TMCC1: variants seen among roughly 807,000 people sequenced by gnomAD.
The protein encoded by TMCC1 is transmembrane and coiled-coil domains protein 1.
In TMCC1, 15 loss-of-function variants were observed where a neutral mutation model predicts 52.4. The observed-to-expected ratio is 0.29, with a 90% confidence interval of 0.19 to 0.44. The LOEUF is 0.44. Among genes scored for constraint, TMCC1 ranks in the 20% least tolerant of loss-of-function variants. The pLI, the probability that TMCC1 is intolerant of heterozygous loss-of-function variation, is 1.00. For missense variants in TMCC1, 503 were observed against 806.0 expected (o/e 0.62, Z 4.55); for synonymous variants, 279 against 301.9 (o/e 0.92, Z 0.79).
At chr3:129,885,845 C>G (rs371655637) in intron 1 of TMCC1, among the ~76,000 whole-genome samples, 22 of 150,286 alleles carry the variant, frequency 1.5e-4, no homozygotes, top group African/African-American at 5.3e-4. Context: ...TGGGTTCAAG[C>G]AATTCTCCTG....
intron 4 of TMCC1, among the ~76,000 whole-genome samples, chr3:129,731,668 T>C (rs1306242691): frequency 3.3e-5 from 5 of 152,106 alleles, no homozygotes; most frequent in Non-Finnish European, 1.5e-5. Flanking sequence ...TGAGCCACCG[T>C]GCCTGGCCCA....
rs1411881698 is a variant in TMCC1 at position 129,651,239 on chromosome 3, C to A, written c.*242G>T. 1 of 505,282 alleles carries A rather than the reference C, an allele frequency of 2.0e-6. No homozygotes were observed. The highest frequency in any genetic ancestry group is 3.5e-6 in the Non-Finnish European group (1 of 285,298). 31.3% of individuals were successfully genotyped at this position (505,282 alleles called of 1,614,324 possible). On this transcript the variant is annotated 3_prime_UTR_variant, in exon 7 of 7. Coordinates refer to ENST00000393238, the MANE Select transcript of TMCC1 (RefSeq NM_001017395.5). This position sits in a 1 kb window ranked among gnomAD's most constrained non-coding sequence, Gnocchi z 5.1. ...TAAAGGACTGTTTTAAGATTTGCATCCCAAGGAAAATCATGCTACATAAAA... is the reference window on the plus strand; with the variant it reads ...TAAAGGACTGTTTTAAGATTTGCATACCAAGGAAAATCATGCTACATAAAA...
chr3:129,812,650 G>A (rs1015519031), intron 4 of TMCC1, among the ~76,000 whole-genome samples: 1 of 152,038 alleles, frequency 6.6e-6, no homozygotes, highest in Admixed American at 6.6e-5. Flanking sequence ...TTTTTAAGGT[G>A]AGATAATTTT....
At chr3:129,664,273 A>G (rs1424260652) in intron 5 of TMCC1, among the ~76,000 whole-genome samples, 1 of 152,238 alleles carries the variant, frequency 6.6e-6, no homozygotes, top group Non-Finnish European at 1.5e-5. Flanking sequence ...CACATAGAAT[A>G]AAGGGGCTAA....
rs545957104 is a variant in TMCC1, at chr3:129,770,602, TAAATGAAATGAAATG to T, written c.576+57186_576+57200del. ...TAAGATAAAATAAAATAAAATAAAATAAATGAAATGAAATGAAATGAAATGAAATGAAATAAAATA... is the reference window on the plus strand; with the variant it reads ...TAAGATAAAATAAAATAAAATAAAATAAATGAAATGAAATGAAATAAAATA... On this transcript the variant is annotated intron_variant, in intron 4 of 6. Transcript: ENST00000393238. 6.1e-4 allele frequency among the ~76,000 whole-genome samples: 81 copies of T among 132,814 alleles called. 1 individual carries two copies. The highest frequency in any genetic ancestry group is 1.5e-3 in the South Asian group (6 of 3,998). 87.1% of individuals were successfully genotyped at this position (132,814 alleles called of 152,430 possible).
At chr3:129,791,896 T>G (rs530287336) in intron 4 of TMCC1, among the ~76,000 whole-genome samples, 2 of 152,278 alleles carry the variant, frequency 1.3e-5, no homozygotes, top group African/African-American at 4.8e-5. Context: ...AAGGAAAATA[T>G]CCAGTGTAAG....
At chr3:129,810,979 C>T (rs2057773967) in intron 4 of TMCC1, among the ~76,000 whole-genome samples, 1 of 152,162 alleles carries the variant, frequency 6.6e-6, no homozygotes, top group Non-Finnish European at 1.5e-5. Context: ...CTAGTCCTAT[C>T]CTATGGTAAA....
intron 4 of TMCC1, among the ~76,000 whole-genome samples, chr3:129,690,149 A>G (rs1172631836): frequency 1.3e-5 from 2 of 152,248 alleles, no homozygotes; most frequent in Non-Finnish European, 2.9e-5. Flanking sequence ...TTAAAAAAAT[A>G]TATGTACAAG....
At position 129,763,217 on chromosome 3, in the gene TMCC1, AAT is replaced by A. The variant is rs1187380841; in HGVS notation, c.576+64584_576+64585del. Among the ~76,000 whole-genome samples, 288 of 123,046 alleles carry A rather than the reference AAT, an allele frequency of 2.3e-3. 16 individuals are homozygous for A. Among genetic ancestry groups the A allele is most frequent in the African/African-American group, 8.6e-3 (283 of 32,734 alleles). The allele number at this position is 123,046 out of a possible 152,430, so 80.7% of individuals were successfully genotyped here. A position where few individuals can be genotyped will look rare whatever the true frequency, so the allele number is the denominator to read the frequency against. On this transcript the variant is annotated intron_variant, in intron 4 of 6. Transcript: ENST00000393238. ...TGTCTCAAAAAATAAAAAATAAATA[AAT>A]AAATAAATAAATAAATAAATAAATA...
At chr3:129,842,572 A>T (rs990906331) in intron 2 of TMCC1, among the ~76,000 whole-genome samples, 1 of 152,166 alleles carries the variant, frequency 6.6e-6, no homozygotes, top group Non-Finnish European at 1.5e-5. Flanking sequence ...TGACATTTGT[A>T]GGGCACTCCA....
At chr3:129,809,241 C>T (rs1173152502) in intron 4 of TMCC1, among the ~76,000 whole-genome samples, 1 of 77,820 alleles carries the variant, frequency 1.3e-5, no homozygotes, top group Non-Finnish European at 2.7e-5. Context: ...ACCAAGATTC[C>T]ATCTCAAAAA....
intron 4 of TMCC1, among the ~76,000 whole-genome samples, chr3:129,675,142 AGG>A (rs1164105094): frequency 3.3e-5 from 5 of 152,214 alleles, no homozygotes; most frequent in Admixed American, 2.0e-4. Context: ...CCATAAAATT[AGG>A]TTTCTAACTC....
chr3:129,881,620 C>G (rs1193830304), intron 1 of TMCC1, among the ~76,000 whole-genome samples: 1 of 152,082 alleles, frequency 6.6e-6, no homozygotes, highest in Non-Finnish European at 1.5e-5. Flanking sequence ...ACATACAGAA[C>G]AAGAAATCTG....
chr3:129,696,567 C>T (rs1426314556), intron 4 of TMCC1, among the ~76,000 whole-genome samples: 1 of 152,164 alleles, frequency 6.6e-6, no homozygotes, highest in East Asian at 1.9e-4. Flanking sequence ...TTTTTGTTGA[C>T]ACCTTCCCAA....
chr3:129,814,270 A>C (rs1029660904), intron 4 of TMCC1, among the ~76,000 whole-genome samples: 5 of 152,184 alleles, frequency 3.3e-5, no homozygotes, highest in African/African-American at 1.2e-4. Context: ...CATCCTGTGA[A>C]TTCCTATTTA....
intron 4 of TMCC1, among the ~76,000 whole-genome samples, chr3:129,729,481 T>C (rs1305748654): frequency 6.6e-6 from 1 of 152,178 alleles, no homozygotes; most frequent in Non-Finnish European, 1.5e-5. Flanking sequence ...GCTTTGACAA[T>C]TTTTTATATA....
chr3:129,768,364 C>T (rs1411030996), intron 4 of TMCC1, among the ~76,000 whole-genome samples: 1 of 151,990 alleles, frequency 6.6e-6, no homozygotes, highest in Non-Finnish European at 1.5e-5. Flanking sequence ...TTTTTAAATG[C>T]CCATATATTT....
intron 4 of TMCC1, among the ~76,000 whole-genome samples, chr3:129,793,618 G>A (rs569080068): frequency 1.3e-5 from 2 of 152,238 alleles, no homozygotes; most frequent in African/African-American, 4.8e-5. Context: ...AAATGACTGG[G>A]TCAAGGAGGG....
intron 4 of TMCC1, among the ~76,000 whole-genome samples, chr3:129,744,016 C>T (rs1291165278): frequency 6.6e-6 from 1 of 151,404 alleles, no homozygotes; most frequent in Non-Finnish European, 1.5e-5. Context: ...TTCAGTGACA[C>T]CTAAGAGTAT....
Sources: allele counts gnomAD v4.1 joint callset (sites outside exome capture counted in the v4.1 genomes callset), GRCh38; gene constraint gnomAD v4.1.1; non-coding constraint Gnocchi (gnomAD v3.1); transcripts MANE v1.5; gene names NCBI Gene and HGNC (gene_info 2026-07-23, HGNC 2026-07-21).